The following CACNA1E variants were observed in gnomAD, a reference collection of about 807,000 sequenced individuals.
CACNA1E encodes the protein calcium voltage-gated channel subunit alpha1 E, also known as voltage-dependent R-type calcium channel subunit alpha-1E.
CACNA1E carries 40 observed loss-of-function variants against 259.2 expected under a neutral mutation model. The observed-to-expected ratio is 0.15, with a 90% CI of 0.12 to 0.20. CACNA1E has a LOEUF of 0.20. Ranked by LOEUF, CACNA1E falls within the 10% of genes least tolerant of loss-of-function variation. The pLI is 1.00. For missense variants in CACNA1E, 1,874 were observed against 3,040.1 expected (o/e 0.62, Z 9.02); for synonymous variants, 1,104 against 1,138.5 (o/e 0.97, Z 0.61).
intron 1 of CACNA1E, among the ~76,000 whole-genome samples, chr1:181,409,185 T>C (rs1460863184): frequency 1.3e-5 from 2 of 152,234 alleles, no homozygotes; most frequent in Non-Finnish European, 2.9e-5. Context: ...GCAACAGAGA[T>C]TGTGTGGCAC....
chr1:181,374,858 C>T (rs1654981386), intron 1 of CACNA1E, among the ~76,000 whole-genome samples: 1 of 151,704 alleles, frequency 6.6e-6, no homozygotes, highest in African/African-American at 2.4e-5. Context: ...ATTTAGGGCT[C>T]AATAATAAAA....
At chr1:181,356,721 C>T (rs1196233916) in intron 1 of CACNA1E, among the ~76,000 whole-genome samples, 3 of 152,194 alleles carry the variant, frequency 2.0e-5, no homozygotes, top group African/African-American at 7.2e-5. Flanking sequence ...CTGTTCCAGG[C>T]TCTACTGCTG....
chr1:181,437,159 T>A (rs1234240364), intron 2 of CACNA1E, among the ~76,000 whole-genome samples: 1 of 152,206 alleles, frequency 6.6e-6, no homozygotes, highest in Non-Finnish European at 1.5e-5. Flanking sequence ...CTGGAGCCCA[T>A]GCAACACCCT....
intron 15 of CACNA1E, among the ~76,000 whole-genome samples, chr1:181,721,261 G>A (rs959382327): frequency 5.3e-5 from 8 of 152,070 alleles, no homozygotes; most frequent in East Asian, 1.9e-4. Context: ...AAACTCAACC[G>A]TTTAAATCAT....
intron 6 of CACNA1E, among the ~76,000 whole-genome samples, chr1:181,638,855 C>G (rs12091540): frequency 0.18 from 26,728 of 152,110 alleles, 2,431 homozygotes; most frequent in South Asian, 0.28. Flanking sequence ...CTTGCTTCCC[C>G]TTCTACCATG....
intron 6 of CACNA1E, among the ~76,000 whole-genome samples, chr1:181,641,514 A>G (rs1657744119): frequency 6.6e-6 from 1 of 151,790 alleles, no homozygotes; most frequent in Admixed American, 6.6e-5. Flanking sequence ...CTTCCACTTC[A>G]TGTCTGGGTG....
At chr1:181,334,649 C>T (rs1023197672) in intron 1 of CACNA1E, among the ~76,000 whole-genome samples, 1 of 152,206 alleles carries the variant, frequency 6.6e-6, no homozygotes, top group South Asian at 2.1e-4. Flanking sequence ...CCTGTTGGCT[C>T]TGTCTTCAAA....
At chr1:181,513,275 C>G (rs918239354) in intron 3 of CACNA1E, among the ~76,000 whole-genome samples, 1 of 152,178 alleles carries the variant, frequency 6.6e-6, no homozygotes, top group Admixed American at 6.5e-5. Context: ...TCCTTCCAGG[C>G]CTTCGATGCT....
intron 25 of CACNA1E, among the ~76,000 whole-genome samples, chr1:181,745,525 C>T (rs1458518048): frequency 1.3e-5 from 2 of 151,928 alleles, no homozygotes; most frequent in African/African-American, 4.8e-5. Context: ...ATGGGAAGAG[C>T]CCAGTACTGC....
chr1:181,758,018 C>A lies in CACNA1E; in HGVS notation c.4401C>A (p.Phe1467Leu). ...TRYMPQNRHT[F>L]QYRVWHFVVS... ...ACATGCCGCAGAACAGACACACCTT[C>A]CAGTACCGCGTGTGGCACTTTGTGG... The change falls in exon 31 of 48, where the codon TTC becomes TTA. Residue 1467 changes from phenylalanine to leucine, a missense_variant. Physicochemically the swap from Phe to Leu is conservative, Grantham distance 22. Transcript: ENST00000367573. The surrounding 1 kb of genome is among the most constrained non-coding windows in gnomAD (Gnocchi z 4.2). 1 of 1,614,002 alleles carries A rather than the reference C, an allele frequency of 6.2e-7. No homozygotes were observed. The highest frequency in any genetic ancestry group is 8.5e-7 in the Non-Finnish European group (1 of 1,179,854).
chr1:181,743,501 C>T (rs1197860865), intron 25 of CACNA1E, among the ~76,000 whole-genome samples: 1 of 152,212 alleles, frequency 6.6e-6, no homozygotes, highest in Non-Finnish European at 1.5e-5. Context: ...ACCCTGCTCC[C>T]CAACCAAAGT....
chr1:181,330,371 G>A lies in CACNA1E; in HGVS notation c.-15+12248G>A, dbSNP rs571579377. Reference sequence around the variant, plus strand: ...TGCCTGCCTCCAGTTTCTTATGGCTGAAACCATAGGCTGAAGCACCTCAGA... The same window carrying A: ...TGCCTGCCTCCAGTTTCTTATGGCTAAAACCATAGGCTGAAGCACCTCAGA... On this transcript the variant is annotated intron_variant, in intron 1 of 11. Transcript: ENST00000524607. Among the ~76,000 whole-genome samples, 9 of 152,114 alleles carry A rather than the reference G, an allele frequency of 5.9e-5. No individual in the cohort carries two copies. In the East Asian group the frequency reaches 1.7e-3, roughly 29 times the overall value.
intron 3 of CACNA1E, among the ~76,000 whole-genome samples, chr1:181,532,515 C>T (rs572105772): frequency 5.3e-4 from 80 of 152,336 alleles, no homozygotes; most frequent in Middle Eastern, 3.4e-3. Flanking sequence ...GGGCAGAGCA[C>T]GTTGCACCTG....
intron 1 of CACNA1E, among the ~76,000 whole-genome samples, chr1:181,318,740 A>G (rs950039317): frequency 6.6e-6 from 1 of 152,282 alleles, no homozygotes; most frequent in Middle Eastern, 3.4e-3. Context: ...GCGACTCGGG[A>G]CTGCTGTAGG....
chr1:181,538,970 AG>A (rs1668373765), intron 3 of CACNA1E, among the ~76,000 whole-genome samples: 1 of 152,248 alleles, frequency 6.6e-6, no homozygotes, highest in African/African-American at 2.4e-5. Flanking sequence ...TTTCTGCAGC[AG>A]AATACAAGAT....
intron 2 of CACNA1E, among the ~76,000 whole-genome samples, chr1:181,447,538 A>G (rs915946719): frequency 4.0e-5 from 2 of 50,514 alleles, no homozygotes; most frequent in Admixed American, 1.8e-4. Flanking sequence ...CTTAAAAAGA[A>G]AAAAAAAAAA....
intron 1 of CACNA1E, among the ~76,000 whole-genome samples, chr1:181,335,867 A>G (rs1212360724): frequency 6.6e-6 from 1 of 152,208 alleles, no homozygotes. Flanking sequence ...CAAGTTGCTC[A>G]TAGTCCAGTC....
At chr1:181,691,425 GA>G (rs1341228782) in intron 7 of CACNA1E, among the ~76,000 whole-genome samples, 1 of 151,986 alleles carries the variant, frequency 6.6e-6, no homozygotes, top group Non-Finnish European at 1.5e-5. Context: ...AATCTGGAAT[GA>G]AAAGGGTGGC....
intron 1 of CACNA1E, among the ~76,000 whole-genome samples, chr1:181,352,974 G>A (rs1653152319): frequency 6.6e-6 from 1 of 152,172 alleles, no homozygotes; most frequent in Non-Finnish European, 1.5e-5. Context: ...TCAGGGATTT[G>A]GATTGACCCT....
Sources: allele counts gnomAD v4.1 joint callset (sites outside exome capture counted in the v4.1 genomes callset), GRCh38; gene constraint gnomAD v4.1.1; non-coding constraint Gnocchi (gnomAD v3.1); transcripts MANE v1.5; gene names NCBI Gene and HGNC (gene_info 2026-07-23, HGNC 2026-07-21).